PRKCA: variants seen among roughly 807,000 people sequenced by gnomAD.
The protein encoded by PRKCA is protein kinase C alpha type.
A neutral mutation model predicts 87.0 loss-of-function variants in PRKCA; 27 were observed. The observed-to-expected ratio is 0.31, with a 90% CI of 0.23 to 0.43. The LOEUF is 0.43. Among genes scored for constraint, PRKCA ranks in the 20% least tolerant of loss-of-function variants. The pLI is 1.00. For missense variants in PRKCA, 518 were observed against 852.3 expected (o/e 0.61, Z 4.88); for synonymous variants, 329 against 311.1 (o/e 1.06, Z -0.61).
intron 4 of PRKCA, among the ~76,000 whole-genome samples, chr17:66,644,474 T>C (rs1971398601): frequency 6.6e-6 from 1 of 152,128 alleles, no homozygotes; most frequent in African/African-American, 2.4e-5. Context: ...CAGTCTTCTG[T>C]TTGTTTCCGG....
At chr17:66,402,046 C>CCA (rs1269546982) in intron 2 of PRKCA, among the ~76,000 whole-genome samples, 1 of 152,074 alleles carries the variant, frequency 6.6e-6, no homozygotes, top group Non-Finnish European at 1.5e-5. Context: ...AAGGAGCAGC[C>CCA]CACCAAGGAG....
chr17:66,792,310 A>C lies in PRKCA; in HGVS notation c.1854+3331A>C, dbSNP rs1016058284. Among the ~76,000 whole-genome samples the C allele has an allele frequency of 1.3e-5, 2 of 152,046 alleles. No individual in the cohort carries two copies. The highest frequency in any genetic ancestry group is 2.9e-5 in the Non-Finnish European group (2 of 68,016). ...TTCAGGTTCTCACAGTTATTTGCAA[A>C]CTGCTTCTACAGATCAGATTGAGCT... On this transcript the variant is annotated intron_variant, in intron 16 of 16. Transcript: ENST00000413366. This position sits in a 1 kb window ranked among gnomAD's most constrained non-coding sequence, Gnocchi z 4.5.
chr17:66,395,865 C>T (rs1307762876), intron 2 of PRKCA, among the ~76,000 whole-genome samples: 2 of 152,064 alleles, frequency 1.3e-5, no homozygotes. Flanking sequence ...CCAGGGCCTA[C>T]ATTTTGTCAG....
intron 13 of PRKCA, among the ~76,000 whole-genome samples, chr17:66,752,392 C>T (rs568174039): frequency 2.0e-5 from 3 of 152,222 alleles, no homozygotes; most frequent in Admixed American, 2.0e-4. Context: ...GCCAGGAGTT[C>T]GAGACCAGCC....
rs374703129 is a variant in PRKCA, at chr17:66,786,965, C to A, written c.1704C>A (p.Val568=). 30 of 1,602,818 alleles carry A rather than the reference C, an allele frequency of 1.9e-5. No homozygotes were observed. The African/African-American group carries it at 3.9e-4, about 21-fold the overall frequency. The change falls in exon 15 of 17, where the codon GTC becomes GTA. Residue 568 remains valine (V), a synonymous_variant. Transcript: ENST00000413366. ...CCTTGTCCAAGGAGGCTGTTTCTGT[C>A]TGCAAAGGAGTAAGTCGATTTGGAT... ...PKSLSKEAVS[V]CKGLMTKHPA...
intron 3 of PRKCA, among the ~76,000 whole-genome samples, chr17:66,553,238 T>TC (rs1418954550): frequency 6.6e-6 from 1 of 152,184 alleles, no homozygotes; most frequent in African/African-American, 2.4e-5. Flanking sequence ...CGCCTCAGCC[T>TC]CCCAAAGTTC....
At position 66,788,963 on chromosome 17, in the gene PRKCA, C is replaced by T; in HGVS notation, c.1838C>T (p.Pro613Leu). The change falls in exon 16 of 17, where the codon CCA (proline) becomes CTA (leucine). Residue 613 changes from proline to leucine, a missense_variant. By Grantham distance (98) the Pro-to-Leu change is moderately conservative. Around this residue, in one of 5 missense-constraint regions of PRKCA, gnomAD observed 159 missense variants for 232.4 expected, o/e 0.68. Coordinates refer to ENST00000413366, the MANE Select transcript of PRKCA (RefSeq NM_002737.3). ...EKLENREIQP[P>L]FKPKVCGKGA... is the part of the protein sequence containing the mutation. ...CTGGAGAACAGGGAGATCCAGCCACCATTCAAGCCCAAAGTGGTGAGTCCA... is the reference window on the plus strand; with the variant it reads ...CTGGAGAACAGGGAGATCCAGCCACTATTCAAGCCCAAAGTGGTGAGTCCA... 1 of 1,614,172 alleles carries T rather than the reference C, an allele frequency of 6.2e-7. No individual in the cohort carries two copies.
At chr17:66,504,457 T>C (rs1265399576) in intron 3 of PRKCA, among the ~76,000 whole-genome samples, 1 of 152,108 alleles carries the variant, frequency 6.6e-6, no homozygotes, top group Non-Finnish European at 1.5e-5. Context: ...CTGGACGTGG[T>C]GGCACACACC....
At position 66,558,351 on chromosome 17, in the gene PRKCA, C is replaced by T. The variant is rs73993874; in HGVS notation, c.288+62068C>T. ...AAAGTCACAGTAGGTGCTATGTAGGCGAAAAACAAGGAGTACTGGTAAGGA... is the reference window on the plus strand; with the variant it reads ...AAAGTCACAGTAGGTGCTATGTAGGTGAAAAACAAGGAGTACTGGTAAGGA... On this transcript the variant is annotated intron_variant, in intron 3 of 16. Coordinates refer to ENST00000413366, the MANE Select transcript of PRKCA (RefSeq NM_002737.3). Among the ~76,000 whole-genome samples, 1,460 of 152,110 alleles carry T rather than the reference C, an allele frequency of 9.6e-3. 25 individuals carry two copies. Among genetic ancestry groups the T allele is most frequent in the African/African-American group, 0.033 (1,356 of 41,440 alleles).
intron 2 of PRKCA, among the ~76,000 whole-genome samples, chr17:66,436,601 G>A (rs1002776889): frequency 2.0e-5 from 3 of 152,314 alleles, no homozygotes; most frequent in South Asian, 2.1e-4. Flanking sequence ...CTAGATTTGG[G>A]AATCAGTCGC....
chr17:66,802,992 C>T (rs1002781751), intron 16 of PRKCA, among the ~76,000 whole-genome samples: 1 of 152,190 alleles, frequency 6.6e-6, no homozygotes, highest in African/African-American at 2.4e-5. Flanking sequence ...TTCAACACGC[C>T]ACTACCCTTG....
At chr17:66,380,943 C>CT (rs60151675) in intron 2 of PRKCA, among the ~76,000 whole-genome samples, 28,807 of 142,632 alleles carry the variant, frequency 0.2, 2,991 homozygotes, top group Admixed American at 0.3. Flanking sequence ...TTTTATTTTT[C>CT]TTTTTTTTTT....
Position 66,427,789 on chromosome 17 carries a change from G to A in PRKCA, c.206-68412G>A, listed in dbSNP as rs1478593604. Reference sequence around the variant, plus strand: ...AGCCAAGATGGCAGGTGCTTAAAAAGGGAATGAGTGGGAAGATCAATTTAT... The same window carrying A: ...AGCCAAGATGGCAGGTGCTTAAAAAAGGAATGAGTGGGAAGATCAATTTAT... On this transcript the variant is annotated intron_variant, in intron 2 of 16. Transcript: ENST00000413366. Among the ~76,000 whole-genome samples the A allele has an allele frequency of 2.0e-5, 3 of 152,178 alleles. No homozygotes were observed. In the East Asian group the frequency reaches 5.8e-4, roughly 29 times the overall value.
chr17:66,605,778 C>T (rs1970188093), intron 3 of PRKCA, among the ~76,000 whole-genome samples: 2 of 152,282 alleles, frequency 1.3e-5, no homozygotes, highest in South Asian at 4.2e-4. Context: ...CATGCTGCAA[C>T]ATAGATGGAC....
intron 2 of PRKCA, among the ~76,000 whole-genome samples, chr17:66,408,984 G>A (rs905190029): frequency 1.5e-4 from 22 of 147,330 alleles, no homozygotes; most frequent in Non-Finnish European, 3.1e-4. Flanking sequence ...CCCGGGAGGC[G>A]GAGGTTGCAG....
intron 11 of PRKCA, 104 bp downstream of exon 11, chr17:66,738,959 C>G (rs1410501711): frequency 1.1e-6 from 1 of 899,766 alleles, no homozygotes; most frequent in East Asian, 2.7e-5. Flanking sequence ...CACTCTGTCA[C>G]TCAGGCTTTG....
intron 3 of PRKCA, among the ~76,000 whole-genome samples, chr17:66,566,488 T>TG (rs1315177065): frequency 9.2e-4 from 136 of 148,054 alleles, no homozygotes; most frequent in African/African-American, 2.1e-3. Flanking sequence ...TGGTTTTTTT[T>TG]TTTTTTTTTT....
intron 14 of PRKCA, chr17:66,774,308 T>C (rs534340474): frequency 7.4e-7 from 1 of 1,350,292 alleles, no homozygotes; most frequent in Non-Finnish European, 9.6e-7. Flanking sequence ...GTGTAGACAG[T>C]GTCAGTTTCA....
At chr17:66,395,304 G>T (rs1326189811) in intron 2 of PRKCA, among the ~76,000 whole-genome samples, 1 of 152,162 alleles carries the variant, frequency 6.6e-6, no homozygotes, top group East Asian at 1.9e-4. Context: ...AAATATTCTA[G>T]TAGCCACATT....
Sources: gnomAD v4.1 joint callset for allele counts (sites outside exome capture counted in the v4.1 genomes callset) on GRCh38, gnomAD v4.1.1 for gene constraint, gnomAD v4.1.1 regional missense constraint, Gnocchi (gnomAD v3.1) non-coding constraint, MANE v1.5 for transcripts, NCBI Gene and HGNC (gene_info 2026-07-23, HGNC 2026-07-21) for gene names.